Variants in C2orf49 observed in about 807,000 individuals in gnomAD.
The protein encoded by C2orf49 is tRNA splicing ligase complex subunit 2.
C2orf49 carries 11 observed loss-of-function variants against 20.6 expected under a neutral mutation model. That is an observed-to-expected ratio of 0.53 (90% CI 0.34 to 0.88). The LOEUF (loss-of-function observed/expected upper bound fraction) is 0.88, where lower values mean the gene tolerates loss of function less well. Ranked by LOEUF, C2orf49 falls within the 40% of genes least tolerant of loss-of-function variation. The pLI, the probability that C2orf49 is intolerant of heterozygous loss-of-function variation, is 0.02. For synonymous variants in C2orf49, 134 were observed against 108.5 expected (o/e 1.24, Z -1.46); for missense variants, 289 against 274.2 (o/e 1.05, Z -0.38).
chr2:105,337,698 CGGATCGGAGGGTGGGCGGGTG>C lies in C2orf49; in HGVS notation c.99+15_99+35del. 1.3e-5 allele frequency: 2 copies of C among 148,350 alleles called. No homozygotes were observed. The highest frequency in any genetic ancestry group is 1.9e-5 in the Non-Finnish European group (2 of 103,576). The allele number at this position is 148,350 out of a possible 1,614,324, so 9.2% of individuals were successfully genotyped here. ...TCACTCTGGAGCAGGTTGGGCGCGC[CGGATCGGAGGGTGGGCGGGTG>C]GGCCTTCCCAGGTGAGGCGCTTGCA... On this transcript the variant is annotated intron_variant, in intron 1 of 3. Coordinates refer to ENST00000258457, the MANE Select transcript of C2orf49 (RefSeq NM_024093.3).
chr2:105,339,833 T>A, intron 2 of C2orf49, 84 bp downstream of exon 2: 1 of 1,258,756 alleles, frequency 7.9e-7, no homozygotes, highest in Non-Finnish European at 1.1e-6. Context: ...GAGATAAACT[T>A]AAGTAAAAAA....
chr2:105,358,558 G>A, the C2orf49 span: 17 of 152,304 alleles, frequency 1.1e-4, no homozygotes, highest in African/African-American at 4.1e-4. Context: ...GTGGGGATGG[G>A]ATAGGATGAG....
chr2:105,369,012 G>A, the C2orf49 span, among the ~76,000 whole-genome samples: 1 of 152,204 alleles, frequency 6.6e-6, no homozygotes, highest in Admixed American at 6.5e-5. Flanking sequence ...CGAGTAGTGT[G>A]CAGCTGTGTG....
At chr2:105,354,826 T>C in the C2orf49 span, among the ~76,000 whole-genome samples, 1 of 152,234 alleles carries the variant, frequency 6.6e-6, no homozygotes, top group Non-Finnish European at 1.5e-5. Context: ...CATTGTAGAA[T>C]GTGTAACAAA....
Position 105,343,061 on chromosome 2 carries a change from G to A in C2orf49, c.480G>A (p.Val160=). 2 of 1,614,138 alleles carry A rather than the reference G, an allele frequency of 1.2e-6. No homozygotes were observed. The highest frequency in any genetic ancestry group is 2.2e-5 in the South Asian group (2 of 91,076). Reference sequence around the variant, plus strand: ...TAATTTTGTCTTCCAATTTGCCTGTGAACAATAAAACGGAACACAATAATA... The same window carrying A: ...TAATTTTGTCTTCCAATTTGCCTGTAAACAATAAAACGGAACACAATAATA... ...SPLILSSNLP[V]NNKTEHNNND... Residue 160 remains valine, a synonymous_variant, in exon 3 of 4, where the codon GTG becomes GTA. Transcript: ENST00000258457.
intron 2 of C2orf49, among the ~76,000 whole-genome samples, chr2:105,340,620 A>G (rs1394016502): frequency 6.6e-6 from 1 of 152,242 alleles, no homozygotes; most frequent in Non-Finnish European, 1.5e-5. Flanking sequence ...AGCTTAAGTT[A>G]TGCTATTTAA....
chr2:105,385,894 A>G, the C2orf49 span: 2 of 213,674 alleles, frequency 9.4e-6, 1 homozygote, highest in Non-Finnish European at 1.8e-5. Flanking sequence ...AGAGCTCACA[A>G]TCTTCCAAGG....
chr2:105,343,142 G>A lies in C2orf49; in HGVS notation c.561G>A (p.Val187=). The A allele has an allele frequency of 3.7e-6, 6 of 1,614,162 alleles. No individual in the cohort carries two copies. Among genetic ancestry groups the A allele is most frequent in the Admixed American group, 1.7e-5 (1 of 60,022 alleles). Residue 187 remains valine (V), a synonymous_variant, in exon 3 of 4, where the codon GTG becomes GTA. Transcript: ENST00000258457. The part of the protein sequence containing the change: ...LTHRKSPSGP[V]KSPPLSPVGT... The stretch of plus-strand genomic sequence containing the variant: ...ATAGGAAAAGTCCTTCAGGCCCTGT[G>A]AAGTCGCCACCATTGTCCCCTGTTG...
In C2orf49 at chr2:105,348,857, C is replaced by G. The variant is rs1216223164; in HGVS notation, c.*3486C>G. ...TGAGTGAACAATTTTGGAAAGTATT[C>G]TTTATAGTACAACTTTCTATACCTG... On this transcript the variant is annotated 3_prime_UTR_variant, in exon 4 of 4. Coordinates refer to ENST00000258457, the MANE Select transcript of C2orf49 (RefSeq NM_024093.3). 6.6e-6 allele frequency: 1 copy of G among 152,024 alleles called. No individual in the cohort carries two copies. Among genetic ancestry groups the G allele is most frequent in the Non-Finnish European group, 1.5e-5 (1 of 67,998 alleles). The allele number at this position is 152,024 out of a possible 1,614,324, so 9.4% of individuals were successfully genotyped here.
At chr2:105,360,877 A>G in the C2orf49 span, 1 of 158,196 alleles carries the variant, frequency 6.3e-6, no homozygotes, top group Non-Finnish European at 1.4e-5. Context: ...TTTAGACTTG[A>G]CGCAACGGGA....
At chr2:105,344,647 T>C (rs2679845) in intron 3 of C2orf49, among the ~76,000 whole-genome samples, 21,029 of 151,994 alleles carry the variant, frequency 0.14, 1,811 homozygotes, top group South Asian at 0.25. Context: ...TGGTGAGATA[T>C]CAGCTCACTA....
downstream of C2orf49, chr2:105,349,227 A>G (rs1253978482): frequency 3.3e-5 from 5 of 152,164 alleles, no homozygotes; most frequent in East Asian, 7.7e-4. Context: ...GTAACTTTCT[A>G]CTTTGTCTTT....
At chr2:105,338,028 A>G (rs1032875588) in intron 1 of C2orf49, among the ~76,000 whole-genome samples, 1 of 152,336 alleles carries the variant, frequency 6.6e-6, no homozygotes, top group African/African-American at 2.4e-5. Context: ...TGTAGAAATC[A>G]TGGACTGTCA....
At chr2:105,361,323 C>G in the C2orf49 span, 1 of 1,614,096 alleles carries the variant, frequency 6.2e-7, no homozygotes, top group Non-Finnish European at 8.5e-7. Context: ...GATGTCGTCC[C>G]TCTCTGTGAG....
chr2:105,354,849 A>C, the C2orf49 span, among the ~76,000 whole-genome samples: 1 of 152,204 alleles, frequency 6.6e-6, no homozygotes, highest in Non-Finnish European at 1.5e-5. Flanking sequence ...AGAGGTAACT[A>C]ATACAATATT....
chr2:105,352,547 C>T (rs1035249631), downstream of C2orf49, among the ~76,000 whole-genome samples: 4 of 140,772 alleles, frequency 2.8e-5, no homozygotes, highest in East Asian at 4.4e-4. Flanking sequence ...TGGGTTCAAG[C>T]GATTCTCCTG....
At chr2:105,350,688 A>G (rs1050219549), downstream of C2orf49, among the ~76,000 whole-genome samples, 22 of 152,204 alleles carry the variant, frequency 1.4e-4, no homozygotes, top group Non-Finnish European at 2.2e-4. Flanking sequence ...AAACCATCCT[A>G]TCTTTCGAAG....
chr2:105,368,431 C>G, the C2orf49 span, among the ~76,000 whole-genome samples: 3 of 152,132 alleles, frequency 2.0e-5, no homozygotes, highest in African/African-American at 7.2e-5. Flanking sequence ...ATCTGGGCTC[C>G]AGGGAAACTC....
chr2:105,370,430 GAATCGCT>G, the C2orf49 span, among the ~76,000 whole-genome samples: 1 of 152,126 alleles, frequency 6.6e-6, no homozygotes, highest in African/African-American at 2.4e-5. Context: ...GTTGGAGACA[GAATCGCT>G]ACTTGAGTCT....
Sources: gnomAD v4.1 joint callset for allele counts (sites outside exome capture counted in the v4.1 genomes callset) on GRCh38, gnomAD v4.1.1 for gene constraint, MANE v1.5 for transcripts, NCBI Gene and HGNC (gene_info 2026-07-23, HGNC 2026-07-21) for gene names.